Variants in PPARGC1A observed in about 807,000 individuals in gnomAD.
PPARGC1A encodes the protein peroxisome proliferator-activated receptor gamma coactivator 1-alpha.
Under a neutral mutation model 88.7 loss-of-function variants are expected in PPARGC1A, and 25 were observed. The ratio of observed to expected loss-of-function variants is 0.28; its 90% CI spans 0.21 to 0.39. The LOEUF (loss-of-function observed/expected upper bound fraction) is 0.39, where lower values mean the gene tolerates loss of function less well. PPARGC1A is among the 10% of genes least tolerant of loss of function. PPARGC1A has a pLI of 1.00. For missense variants in PPARGC1A, 880 were observed against 968.7 expected, an observed-to-expected ratio of 0.91 and a Z score of 1.22; for synonymous variants, 363 against 355.6, an observed-to-expected ratio of 1.02 and a Z score of -0.24.
the PPARGC1A span, among the ~76,000 whole-genome samples, chr4:24,047,120 A>AT: frequency 1.3e-5 from 2 of 152,006 alleles, 1 homozygote; most frequent in South Asian, 4.2e-4. Flanking sequence ...ATCTTGTACC[A>AT]TTTTTTGACT....
the PPARGC1A span, among the ~76,000 whole-genome samples, chr4:23,936,485 C>T: frequency 6.6e-6 from 1 of 152,214 alleles, no homozygotes; most frequent in South Asian, 2.1e-4. Context: ...GCATGTAATC[C>T]CAGAACTTTG....
At chr4:23,993,199 G>T in the PPARGC1A span, among the ~76,000 whole-genome samples, 1 of 152,132 alleles carries the variant, frequency 6.6e-6, no homozygotes, top group Admixed American at 6.6e-5. Context: ...GAACAATGAT[G>T]TTATGTAACA....
the PPARGC1A span, among the ~76,000 whole-genome samples, chr4:24,180,348 G>C: frequency 2.0e-5 from 3 of 152,056 alleles, no homozygotes; most frequent in African/African-American, 7.2e-5. Flanking sequence ...TAATAACCAT[G>C]AGATAATTTG....
At chr4:24,065,458 C>T in the PPARGC1A span, among the ~76,000 whole-genome samples, 1 of 152,208 alleles carries the variant, frequency 6.6e-6, no homozygotes, top group Non-Finnish European at 1.5e-5. Flanking sequence ...AGCAGCCCAG[C>T]TTGTTCTCCG....
chr4:24,229,956 G>A, the PPARGC1A span, among the ~76,000 whole-genome samples: 4 of 152,112 alleles, frequency 2.6e-5, no homozygotes, highest in Admixed American at 2.6e-4. Context: ...GTCGCTGAAG[G>A]CATTTTTGGA....
chr4:23,844,801 ATAT>A (rs1467709023), intron 2 of PPARGC1A, among the ~76,000 whole-genome samples: 9 of 126,314 alleles, frequency 7.1e-5, no homozygotes, highest in East Asian at 4.3e-4. Flanking sequence ...TATATGATAT[ATAT>A]TATTATAATA....
At chr4:24,375,284 T>C in the PPARGC1A span, among the ~76,000 whole-genome samples, 1 of 152,148 alleles carries the variant, frequency 6.6e-6, no homozygotes, top group Non-Finnish European at 1.5e-5. Flanking sequence ...CATTGATCCA[T>C]GTCCCAAACT....
the PPARGC1A span, among the ~76,000 whole-genome samples, chr4:24,302,582 A>G: frequency 1.3e-5 from 2 of 152,196 alleles, no homozygotes; most frequent in Non-Finnish European, 2.9e-5. Flanking sequence ...CTTTCATCCA[A>G]CCACTGTTGA....
At chr4:23,833,961 T>C (rs1232330891) in intron 2 of PPARGC1A, among the ~76,000 whole-genome samples, 1 of 152,040 alleles carries the variant, frequency 6.6e-6, no homozygotes, top group African/African-American at 2.4e-5. Context: ...GGCCAAGAGT[T>C]CAAGGCCAGC....
chr4:24,065,335 G>A, the PPARGC1A span, among the ~76,000 whole-genome samples: 34,168 of 151,714 alleles, frequency 0.23, 4,132 homozygotes, highest in African/African-American at 0.25. Flanking sequence ...ACTACATCCT[G>A]TCCTTCACTC....
At chr4:23,837,369 T>C (rs1359007712) in intron 2 of PPARGC1A, among the ~76,000 whole-genome samples, 2 of 135,008 alleles carry the variant, frequency 1.5e-5, no homozygotes, top group Non-Finnish European at 3.1e-5. Context: ...TACGGAATTT[T>C]TTTGCACTCA....
At chr4:23,825,580 T>A (rs1465383821) in intron 5 of PPARGC1A, among the ~76,000 whole-genome samples, 2 of 152,146 alleles carry the variant, frequency 1.3e-5, no homozygotes, top group Non-Finnish European at 2.9e-5. Context: ...GTTTCCTTTA[T>A]CCTATTGTCA....
chr4:23,845,108 A>G (rs1407243108), intron 2 of PPARGC1A, among the ~76,000 whole-genome samples: 2 of 151,846 alleles, frequency 1.3e-5, no homozygotes, highest in Admixed American at 1.3e-4. Flanking sequence ...GCACAAGAAC[A>G]TTGATCAATC....
At chr4:24,136,985 G>A in the PPARGC1A span, among the ~76,000 whole-genome samples, 2 of 151,902 alleles carry the variant, frequency 1.3e-5, no homozygotes, top group African/African-American at 4.8e-5. Context: ...GTGGTGGCAT[G>A]TGCCTAAAAT....
At chr4:24,013,060 G>C in the PPARGC1A span, among the ~76,000 whole-genome samples, 1 of 152,100 alleles carries the variant, frequency 6.6e-6, no homozygotes, top group Non-Finnish European at 1.5e-5. Context: ...TCCAGGGTGA[G>C]TTTCATTCAT....
chr4:24,454,219 A>C, the PPARGC1A span, among the ~76,000 whole-genome samples: 3 of 151,222 alleles, frequency 2.0e-5, no homozygotes, highest in African/African-American at 7.3e-5. Context: ...AGTCAAGCAG[A>C]AGACCCACCC....
chr4:24,036,239 T>A, the PPARGC1A span, among the ~76,000 whole-genome samples: 3 of 152,190 alleles, frequency 2.0e-5, no homozygotes, highest in Admixed American at 6.5e-5. Context: ...AGACTGACAA[T>A]AATAAGAGTT....
chr4:24,465,776 G>A, the PPARGC1A span, among the ~76,000 whole-genome samples: 3 of 152,170 alleles, frequency 2.0e-5, no homozygotes, highest in African/African-American at 7.2e-5. Flanking sequence ...AAAGGCATTA[G>A]TTCATGATGG....
the PPARGC1A span, among the ~76,000 whole-genome samples, chr4:24,164,998 T>G: frequency 5.9e-5 from 9 of 152,282 alleles, no homozygotes; most frequent in Admixed American, 2.6e-4. Context: ...CTCCAAGATT[T>G]GCTGACACAA....
Sources: allele counts gnomAD v4.1 joint callset (sites outside exome capture counted in the v4.1 genomes callset), GRCh38; gene constraint gnomAD v4.1.1; transcripts MANE v1.5; gene names NCBI Gene and HGNC (gene_info 2026-07-23, HGNC 2026-07-21).